ANKRD12: variants seen among roughly 807,000 people sequenced by gnomAD.
ANKRD12 encodes ankyrin repeat domain-containing protein 12.
Under a neutral mutation model 183.4 loss-of-function variants are expected in ANKRD12, and 85 were observed. The ratio of observed to expected loss-of-function variants is 0.46; its 90% CI spans 0.39 to 0.56. The LOEUF is 0.56. Ranked by LOEUF, ANKRD12 falls within the 20% of genes least tolerant of loss-of-function variation. ANKRD12 has a pLI of 0.00. For missense variants in ANKRD12, 2,405 were observed against 2,357.1 expected, an observed-to-expected ratio of 1.02 and a Z score of -0.42; for synonymous variants, 914 against 800.2, an observed-to-expected ratio of 1.14 and a Z score of -2.40.
intron 1 of ANKRD12, among the ~76,000 whole-genome samples, chr18:9,152,942 T>G (rs2078730725): frequency 6.6e-6 from 1 of 152,074 alleles, no homozygotes; most frequent in Non-Finnish European, 1.5e-5. Context: ...ATAGACTTAT[T>G]AGATTATAAA....
chr18:9,192,410 A>G (rs1188332641), intron 2 of ANKRD12, among the ~76,000 whole-genome samples: 3 of 152,158 alleles, frequency 2.0e-5, no homozygotes, highest in African/African-American at 4.8e-5. Flanking sequence ...TGATTATAAT[A>G]TATTCTAAGA....
In ANKRD12 at chr18:9,255,103, C is replaced by T; in HGVS notation, c.1836C>T (p.Phe612=). ...AAAAAAGCAAACATCAGAAAGATTT[C>T]CACTTAGAATTTGGTGAAAAATCAA... is the stretch of plus-strand genomic sequence containing the variant. The part of the protein sequence containing the change: ...HKEKSKHQKD[F]HLEFGEKSNA... Residue 612 remains phenylalanine, a synonymous_variant, in exon 9 of 13, where the codon TTC becomes TTT. Coordinates refer to ENST00000262126, the MANE Select transcript of ANKRD12 (RefSeq NM_015208.5). The T allele has an allele frequency of 6.4e-7, 1 of 1,574,400 alleles. No individual in the cohort carries two copies. The highest frequency in any genetic ancestry group is 8.6e-7 in the Non-Finnish European group (1 of 1,167,104).
intron 1 of ANKRD12, among the ~76,000 whole-genome samples, chr18:9,154,051 A>G (rs940223902): frequency 2.6e-5 from 4 of 152,278 alleles, no homozygotes; most frequent in Admixed American, 6.5e-5. Flanking sequence ...TTGTATACAC[A>G]TAGCTTAGTT....
At chr18:9,251,903 G>T (rs2038320477) in intron 8 of ANKRD12, among the ~76,000 whole-genome samples, 1 of 152,178 alleles carries the variant, frequency 6.6e-6, no homozygotes, top group South Asian at 2.1e-4. Flanking sequence ...AGAATAAACT[G>T]TTGAGAATAA....
intron 2 of ANKRD12, among the ~76,000 whole-genome samples, chr18:9,186,485 C>T (rs913933691): frequency 7.9e-5 from 12 of 152,126 alleles, no homozygotes; most frequent in East Asian, 5.8e-4. Flanking sequence ...AGGCAACATG[C>T]GCTGTACTTA....
At chr18:9,215,619 A>G (rs919987892) in intron 6 of ANKRD12, among the ~76,000 whole-genome samples, 22 of 152,158 alleles carry the variant, frequency 1.4e-4, no homozygotes, top group Non-Finnish European at 1.5e-5. Flanking sequence ...TCAACGCTGT[A>G]GAAGAGAACT....
chr18:9,145,443 C>T (rs1187354196), intron 1 of ANKRD12, among the ~76,000 whole-genome samples: 1 of 152,200 alleles, frequency 6.6e-6, no homozygotes, highest in Non-Finnish European at 1.5e-5. Context: ...AATTCACACT[C>T]AGGAAACAAA....
intron 1 of ANKRD12, among the ~76,000 whole-genome samples, chr18:9,177,218 C>A (rs888991036): frequency 2.0e-5 from 3 of 152,074 alleles, no homozygotes; most frequent in African/African-American, 7.2e-5. Flanking sequence ...GATTGTTACA[C>A]GGAGAATGGA....
chr18:9,218,019 T>G (rs1024177672), intron 7 of ANKRD12, among the ~76,000 whole-genome samples: 14 of 152,208 alleles, frequency 9.2e-5, no homozygotes, highest in East Asian at 1.9e-4. Context: ...GAAACTGACT[T>G]ACTTTCTGGC....
intron 7 of ANKRD12, among the ~76,000 whole-genome samples, chr18:9,217,979 G>T (rs1241434493): frequency 2.0e-5 from 3 of 151,970 alleles, no homozygotes; most frequent in African/African-American, 4.8e-5. Context: ...CAACATGTAG[G>T]GTACATTGCC....
At position 9,263,891 on chromosome 18, in the gene ANKRD12, A is replaced by G. The variant is rs1278273848; in HGVS notation, c.5763+3A>G. On this transcript the variant is annotated splice_donor_region_variant and intron_variant, in intron 10 of 12. Transcript: ENST00000262126. ...GTTTGCAACACAGTATTGAAAGGGT[A>G]AGAAATGTTTAAATTTACACTTATG... 1.4e-6 allele frequency: 2 copies of G among 1,441,896 alleles called. No homozygotes were observed. The highest frequency in any genetic ancestry group is 1.3e-5 in the South Asian group (1 of 77,860). The allele number at this position is 1,441,896 out of a possible 1,614,324, so 89.3% of individuals were successfully genotyped here.
At position 9,161,533 on chromosome 18, in the gene ANKRD12, G is replaced by A. The variant is rs533921245; in HGVS notation, c.-51-20849G>A. Among the ~76,000 whole-genome samples the A allele has an allele frequency of 1.5e-4, 22 of 151,232 alleles. No homozygotes were observed. The East Asian group carries it at 2.2e-3, about 15-fold the overall frequency. ...TGGGACCACAGGCGCCCGCCACCAC[G>A]CCTGGCTAATTTTTTGTATTTTTAG... is the stretch of plus-strand genomic sequence containing the variant. On this transcript the variant is annotated intron_variant, in intron 1 of 12. Transcript: ENST00000262126.
chr18:9,211,763 G>A lies in ANKRD12; in HGVS notation c.631G>A (p.Val211Met). 1 of 1,613,464 alleles carries A rather than the reference G, an allele frequency of 6.2e-7. No homozygotes were observed. The highest frequency in any genetic ancestry group is 8.5e-7 in the Non-Finnish European group (1 of 1,179,660). Residue 211 changes from valine (V) to methionine (M), a missense_variant, in exon 6 of 13, where the codon GTG (valine) becomes ATG (methionine). Physicochemically the swap from Val to Met is conservative, Grantham distance 21. Coordinates refer to ENST00000262126, the MANE Select transcript of ANKRD12 (RefSeq NM_015208.5). Reference protein sequence around the residue: ...VKELISLGANVNVKDFAGWTP... With the variant: ...VKELISLGANMNVKDFAGWTP... ...AGAATTAATAAGTTTAGGGGCAAAT[G>A]TGAATGTGAAAGATTTTGCAGGTAA...
Position 9,256,925 on chromosome 18 carries a change from G to A in ANKRD12, c.3658G>A (p.Val1220Met). The A allele has an allele frequency of 6.2e-7, 1 of 1,614,060 alleles. No homozygotes were observed. Among genetic ancestry groups the A allele is most frequent in the Non-Finnish European group, 8.5e-7 (1 of 1,179,984 alleles). Residue 1220 changes from valine to methionine, a missense_variant, in exon 9 of 13, where the codon GTG (valine) becomes ATG (methionine). Physicochemically the swap from Val to Met is conservative, Grantham distance 21. Around this residue, in one of 7 missense-constraint regions of ANKRD12, gnomAD observed 1,983 missense variants for 1,725.9 expected, o/e 1.15. Coordinates refer to ENST00000262126, the MANE Select transcript of ANKRD12 (RefSeq NM_015208.5). ...ASSEDSCHTT[V>M]TTPRPPVEYD... ...TTCAGAAGATTCCTGCCATACTACA[G>A]TGACAACCCCAAGGCCTCCAGTTGA...
At position 9,221,892 on chromosome 18, in the gene ANKRD12, A is replaced by T. The variant is rs773145269; in HGVS notation, c.836A>T (p.Gln279Leu). Residue 279 changes from glutamine to leucine, a missense_variant, in exon 8 of 13, where the codon CAA (glutamine) becomes CTA (leucine). Around this residue, in one of 7 missense-constraint regions of ANKRD12, gnomAD observed 40 missense variants for 54.2 expected, o/e 0.74. Transcript: ENST00000262126. Reference protein sequence around the residue: ...LLLRHGGNPFQANKHGERPVD... With the variant: ...LLLRHGGNPFLANKHGERPVD... ...CTTCGTCACGGTGGAAATCCATTTC[A>T]AGCTAATAAACATGGGGAGCGTCCA... is the stretch of plus-strand genomic sequence containing the variant. The T allele has an allele frequency of 6.2e-7, 1 of 1,614,052 alleles. No individual in the cohort carries two copies. Among genetic ancestry groups the T allele is most frequent in the East Asian group, 2.2e-5 (1 of 44,862 alleles).
intron 3 of ANKRD12, among the ~76,000 whole-genome samples, chr18:9,197,119 C>A (rs1022356353): frequency 7.9e-5 from 12 of 152,010 alleles, no homozygotes; most frequent in African/African-American, 2.7e-4. Context: ...TCAAGATAAT[C>A]TTTTCATGAG....
At chr18:9,265,178 C>T (rs1459519726) in intron 10 of ANKRD12, among the ~76,000 whole-genome samples, 1 of 152,250 alleles carries the variant, frequency 6.6e-6, no homozygotes. Flanking sequence ...CTGCCTGCCT[C>T]TGTAGACTCC....
chr18:9,199,311 T>TA (rs892779192), intron 3 of ANKRD12, among the ~76,000 whole-genome samples: 7 of 152,140 alleles, frequency 4.6e-5, no homozygotes, highest in Non-Finnish European at 1.0e-4. Flanking sequence ...ATATTGGAAG[T>TA]AAAAAATTAG....
At chr18:9,165,014 A>G (rs2031877513) in intron 1 of ANKRD12, among the ~76,000 whole-genome samples, 1 of 152,116 alleles carries the variant, frequency 6.6e-6, no homozygotes, top group Admixed American at 6.5e-5. Flanking sequence ...GTCTCCCACT[A>G]TTATTATGTG....
Sources: allele counts gnomAD v4.1 joint callset (sites outside exome capture counted in the v4.1 genomes callset), GRCh38; gene constraint gnomAD v4.1.1; regional missense constraint gnomAD v4.1.1; transcripts MANE v1.5; gene names NCBI Gene and HGNC (gene_info 2026-07-23, HGNC 2026-07-21).